The following S100A8 variants were observed in gnomAD, a reference collection of about 807,000 sequenced individuals.
S100A8 encodes the protein S100 calcium binding protein A8.
In S100A8, 1 loss-of-function variant was observed where a neutral mutation model predicts 4.2. That is an observed-to-expected ratio of 0.24 (90% confidence interval 0.08 to 1.12). The LOEUF (loss-of-function observed/expected upper bound fraction) is 1.12, where lower values mean the gene tolerates loss of function less well. Ranked by LOEUF, S100A8 falls within the 50% of genes most tolerant of loss-of-function variation. S100A8 has a pLI of 0.53. For missense variants in S100A8, 96 were observed against 111.8 expected (o/e 0.86, Z 0.64); for synonymous variants, 41 against 44.7 (o/e 0.92, Z 0.33).
chr1:153,400,592 C>G, the S100A8 span, among the ~76,000 whole-genome samples: 1 of 152,210 alleles, frequency 6.6e-6, no homozygotes, highest in Admixed American at 6.5e-5. Flanking sequence ...AACAGCTTTT[C>G]CAGTTTGCTG....
At chr1:153,417,421 G>A in the S100A8 span, 2 of 152,562 alleles carry the variant, frequency 1.3e-5, no homozygotes, top group Non-Finnish European at 2.9e-5. Flanking sequence ...TCTGTTCCTT[G>A]TAACAGAGGC....
chr1:153,403,534 T>C, the S100A8 span, among the ~76,000 whole-genome samples: 2 of 152,226 alleles, frequency 1.3e-5, no homozygotes, highest in Admixed American at 6.5e-5. Flanking sequence ...TCCGTGGCCT[T>C]GTCTCATGTG....
the S100A8 span, among the ~76,000 whole-genome samples, chr1:153,398,906 G>A: frequency 1.3e-5 from 2 of 152,192 alleles, no homozygotes; most frequent in African/African-American, 4.8e-5. Context: ...AAGCCCAAAG[G>A]CATGCTTTCA....
At chr1:153,405,775 CTG>C in the S100A8 span, among the ~76,000 whole-genome samples, 3 of 152,040 alleles carry the variant, frequency 2.0e-5, no homozygotes, top group Admixed American at 6.6e-5. Flanking sequence ...CCAACTCTCT[CTG>C]TGTCTTTTTT....
the S100A8 span, among the ~76,000 whole-genome samples, chr1:153,404,750 T>G: frequency 2.0e-5 from 3 of 152,196 alleles, no homozygotes; most frequent in Non-Finnish European, 2.9e-5. Flanking sequence ...ACAAATTAAG[T>G]AAGAAAAGCC....
chr1:153,404,611 T>C, the S100A8 span, among the ~76,000 whole-genome samples: 4 of 152,216 alleles, frequency 2.6e-5, no homozygotes, highest in African/African-American at 7.2e-5. Context: ...CAAGATTTAC[T>C]TAACCCACCA....
chr1:153,393,536 C>A (rs1662149214), upstream of S100A8, among the ~76,000 whole-genome samples: 1 of 152,198 alleles, frequency 6.6e-6, no homozygotes, highest in South Asian at 2.1e-4. Context: ...CATCTTAAAT[C>A]ATTTCTGGAA....
the S100A8 span, among the ~76,000 whole-genome samples, chr1:153,417,593 G>A: frequency 6.6e-6 from 1 of 152,196 alleles, no homozygotes; most frequent in Non-Finnish European, 1.5e-5. Context: ...TGGGGCCCAC[G>A]GTGTCTGGTT....
At chr1:153,402,628 AG>A in the S100A8 span, among the ~76,000 whole-genome samples, 1 of 152,192 alleles carries the variant, frequency 6.6e-6, no homozygotes, top group African/African-American at 2.4e-5. Flanking sequence ...AGCCACTAAA[AG>A]TTTTTAGTAA....
At chr1:153,398,009 C>T in the S100A8 span, among the ~76,000 whole-genome samples, 1 of 152,222 alleles carries the variant, frequency 6.6e-6, no homozygotes, top group East Asian at 1.9e-4. Context: ...TCACTTCCCC[C>T]TCACTCCGTC....
At chr1:153,402,519 G>A in the S100A8 span, among the ~76,000 whole-genome samples, 1 of 152,192 alleles carries the variant, frequency 6.6e-6, no homozygotes, top group Admixed American at 6.5e-5. Flanking sequence ...CTGGAGTGGT[G>A]TAAATGGAGC....
chr1:153,418,212 C>T, the S100A8 span: 1 of 1,614,008 alleles, frequency 6.2e-7, no homozygotes, highest in Admixed American at 1.7e-5. Flanking sequence ...CCCCAATTTC[C>T]TCAGTGCCTG....
At chr1:153,399,457 G>C in the S100A8 span, among the ~76,000 whole-genome samples, 1 of 152,088 alleles carries the variant, frequency 6.6e-6, no homozygotes, top group East Asian at 1.9e-4. Context: ...GGCTTGGGTG[G>C]GGTCAGACAC....
At chr1:153,394,433 G>A (rs1252437837), upstream of S100A8, among the ~76,000 whole-genome samples, 2 of 152,180 alleles carry the variant, frequency 1.3e-5, no homozygotes, top group Non-Finnish European at 2.9e-5. Context: ...CCAGGGGCCT[G>A]CAGGAAGGAG....
Position 153,391,043 on chromosome 1 carries a change from G to C in S100A8, c.-25C>G. On this transcript the variant is annotated splice_region_variant and 5_prime_UTR_variant, in exon 1 of 3. Coordinates refer to ENST00000368733, the MANE Select transcript of S100A8 (RefSeq NM_002964.5). The stretch of plus-strand genomic sequence containing the variant: ...CCAACCCAGACAGTCCCACTTACCA[G>C]GTCTTCTGAAAGACAGCTGACAAGA... The C allele has an allele frequency of 1.0e-6, 1 of 986,688 alleles. No homozygotes were observed. Among genetic ancestry groups the C allele is most frequent in the Non-Finnish European group, 1.2e-6 (1 of 830,598 alleles). 61.1% of individuals were successfully genotyped at this position (986,688 alleles called of 1,614,324 possible). A position where few individuals can be genotyped will look rare whatever the true frequency, so the allele number is the denominator to read the frequency against.
At chr1:153,394,074 C>T (rs1268928248), upstream of S100A8, among the ~76,000 whole-genome samples, 1 of 152,196 alleles carries the variant, frequency 6.6e-6, no homozygotes, top group Non-Finnish European at 1.5e-5. Context: ...GTAAGCACAT[C>T]TGGGGAAAGG....
chr1:153,404,479 G>T, the S100A8 span, among the ~76,000 whole-genome samples: 2 of 152,050 alleles, frequency 1.3e-5, no homozygotes, highest in Non-Finnish European at 2.9e-5. Context: ...AATAACAAAA[G>T]ATGCTCCCTC....
chr1:153,390,583 TC>T (rs1571167317), intron 1 of S100A8, 26 bp from the exon 2 acceptor site: 1 of 1,610,716 alleles, frequency 6.2e-7, no homozygotes. Context: ...TTCTGGGGAA[TC>T]CCATGGCAGG....
the S100A8 span, chr1:153,422,511 C>A: frequency 2.0e-6 from 2 of 985,168 alleles, no homozygotes; most frequent in South Asian, 9.4e-5. Flanking sequence ...TCTATGCCCA[C>A]ACTCACATTA....
Sources: gnomAD v4.1 joint callset for allele counts (sites outside exome capture counted in the v4.1 genomes callset) on GRCh38, gnomAD v4.1.1 for gene constraint, MANE v1.5 for transcripts, NCBI Gene and HGNC (gene_info 2026-07-23, HGNC 2026-07-21) for gene names.